The following RBM20 variants were observed in gnomAD, a reference collection of about 807,000 sequenced individuals.
The protein encoded by RBM20 is RNA-binding protein 20.
A neutral mutation model predicts 110.1 loss-of-function variants in RBM20; 51 were observed. The observed-to-expected ratio is 0.46, with a 90% CI of 0.37 to 0.59. RBM20 has a LOEUF of 0.59. Among genes scored for constraint, RBM20 ranks in the 20% least tolerant of loss-of-function variants. RBM20 has a pLI of 0.00. For synonymous variants in RBM20, 589 were observed against 618.2 expected (o/e 0.95, Z 0.70); for missense variants, 1,512 against 1,574.9 (o/e 0.96, Z 0.68).
chr10:110,681,822 A>T (rs1590613778), intron 1 of RBM20, among the ~76,000 whole-genome samples: 1 of 151,816 alleles, frequency 6.6e-6, no homozygotes, highest in South Asian at 2.1e-4. Context: ...CACTACAGAC[A>T]TTTTTCAGAT....
chr10:110,730,122 T>C (rs1843605614), intron 1 of RBM20, among the ~76,000 whole-genome samples: 1 of 152,182 alleles, frequency 6.6e-6, no homozygotes, highest in African/African-American at 2.4e-5. Context: ...TTGGCCCTTC[T>C]CTTTTTTAAG....
chr10:110,653,468 A>AT (rs1322336301), intron 1 of RBM20, among the ~76,000 whole-genome samples: 1 of 150,738 alleles, frequency 6.6e-6, no homozygotes, highest in Non-Finnish European at 1.5e-5. Flanking sequence ...GTCTTATTTA[A>AT]TTTTTTTCTA....
At chr10:110,650,995 C>T (rs1418090220) in intron 1 of RBM20, among the ~76,000 whole-genome samples, 1 of 152,270 alleles carries the variant, frequency 6.6e-6, no homozygotes, top group East Asian at 1.9e-4. Flanking sequence ...GGGCTTCTGT[C>T]GAGGAGTGCC....
chr10:110,794,425 C>T (rs899360864), intron 5 of RBM20, among the ~76,000 whole-genome samples: 1 of 152,194 alleles, frequency 6.6e-6, no homozygotes, highest in African/African-American at 2.4e-5. Context: ...CACACAAAAG[C>T]AAACTATTAA....
chr10:110,696,586 A>G (rs1365231779), intron 1 of RBM20, among the ~76,000 whole-genome samples: 1 of 152,158 alleles, frequency 6.6e-6, no homozygotes, highest in Non-Finnish European at 1.5e-5. Context: ...AGTGGCACTC[A>G]CTGGGCTGGA....
intron 1 of RBM20, among the ~76,000 whole-genome samples, chr10:110,731,084 G>A (rs1434036295): frequency 2.6e-5 from 4 of 152,144 alleles, no homozygotes; most frequent in East Asian, 1.9e-4. Flanking sequence ...TGAGTTTGAG[G>A]TATGAAACTG....
chr10:110,671,995 C>T (rs1862266395), intron 1 of RBM20, among the ~76,000 whole-genome samples: 2 of 152,144 alleles, frequency 1.3e-5, no homozygotes, highest in African/African-American at 4.8e-5. Context: ...CCACTTAGCT[C>T]TGAAGACTTC....
At chr10:110,784,725 T>G (rs554425957) in intron 4 of RBM20, 67 bp from the exon 5 acceptor site, 1 of 1,026,488 alleles carries the variant, frequency 9.7e-7, no homozygotes, top group Non-Finnish European at 1.5e-6. Flanking sequence ...TGCCTGCTTA[T>G]GTCCTAATAA....
In RBM20 at chr10:110,644,338, G is replaced by T. The variant is rs558015704; in HGVS notation, c.-117G>T. 1.3e-6 allele frequency: 1 copy of T among 747,962 alleles called. No homozygotes were observed. The highest frequency in any genetic ancestry group is 1.9e-5 in the African/African-American group (1 of 54,036). 46.3% of individuals were successfully genotyped at this position (747,962 alleles called of 1,614,324 possible). On this transcript the variant is annotated 5_prime_UTR_variant, in exon 1 of 14. Transcript: ENST00000369519. The surrounding 1 kb of genome is among the most constrained non-coding windows in gnomAD (Gnocchi z 4.3). ...CCCGCCCCTCGCGTCTCCTCCCCGC[G>T]CCACCGGGAAGGACAAGGGGACTGG...
At chr10:110,729,471 G>GCC (rs1260113580) in intron 1 of RBM20, among the ~76,000 whole-genome samples, 2 of 152,102 alleles carry the variant, frequency 1.3e-5, no homozygotes, top group Admixed American at 6.5e-5. Context: ...TTGATGCATT[G>GCC]ATCAACCCAC....
intron 7 of RBM20, among the ~76,000 whole-genome samples, chr10:110,802,001 T>C (rs957671424): frequency 5.3e-5 from 8 of 152,234 alleles, no homozygotes; most frequent in African/African-American, 1.9e-4. Context: ...GTCTTCTTAT[T>C]GGTTTGCAGG....
intron 1 of RBM20, among the ~76,000 whole-genome samples, chr10:110,703,535 A>T (rs556598935): frequency 1.3e-5 from 2 of 152,342 alleles, no homozygotes; most frequent in East Asian, 3.9e-4. Flanking sequence ...CACAGCCAGG[A>T]TATTAACATT....
intron 1 of RBM20, among the ~76,000 whole-genome samples, chr10:110,740,925 G>T (rs1843718608): frequency 6.6e-6 from 1 of 152,142 alleles, no homozygotes; most frequent in Non-Finnish European, 1.5e-5. Context: ...GGATGCTTCT[G>T]TCCAGGGTAA....
Position 110,674,644 on chromosome 10 carries a change from A to T in RBM20, c.191+29999A>T, listed in dbSNP as rs1276537233. 2.0e-5 allele frequency among the ~76,000 whole-genome samples: 3 copies of T among 152,242 alleles called. No individual in the cohort carries two copies. In the East Asian group the frequency reaches 5.8e-4, roughly 29 times the overall value. ...TTGAATTGCATCAGGAAACCTGCAT[A>T]TTAACAAGCTGGTAATAAGTGCAGG... On this transcript the variant is annotated intron_variant, in intron 1 of 13. Coordinates refer to ENST00000369519, the MANE Select transcript of RBM20 (RefSeq NM_001134363.3).
chr10:110,675,343 G>C (rs1862324626), intron 1 of RBM20, among the ~76,000 whole-genome samples: 1 of 152,152 alleles, frequency 6.6e-6, no homozygotes, highest in Non-Finnish European at 1.5e-5. Flanking sequence ...AAGAAGCGAG[G>C]CTTATCCTTG....
intron 1 of RBM20, among the ~76,000 whole-genome samples, chr10:110,646,460 A>G (rs1015462071): frequency 2.0e-5 from 3 of 152,228 alleles, no homozygotes; most frequent in African/African-American, 7.2e-5. Flanking sequence ...TTCTACTTGA[A>G]GGGCAGGATG....
At chr10:110,832,639 T>C (rs1337476888) in intron 13 of RBM20, among the ~76,000 whole-genome samples, 2 of 152,180 alleles carry the variant, frequency 1.3e-5, no homozygotes, top group African/African-American at 4.8e-5. Flanking sequence ...ACACAGATGG[T>C]GAGTTATTGG....
intron 1 of RBM20, among the ~76,000 whole-genome samples, chr10:110,752,290 T>C (rs1843863736): frequency 6.6e-6 from 1 of 152,228 alleles, no homozygotes; most frequent in Admixed American, 6.5e-5. Context: ...GTTAAAATCA[T>C]ACAGTATATG....
At chr10:110,724,056 CA>C (rs1009502212) in intron 1 of RBM20, among the ~76,000 whole-genome samples, 1 of 152,044 alleles carries the variant, frequency 6.6e-6, no homozygotes, top group African/African-American at 2.4e-5. Flanking sequence ...CATTACTAGC[CA>C]AAAGTTACCG....
Sources: allele counts gnomAD v4.1 joint callset (sites outside exome capture counted in the v4.1 genomes callset), GRCh38; gene constraint gnomAD v4.1.1; non-coding constraint Gnocchi (gnomAD v3.1); transcripts MANE v1.5; gene names NCBI Gene and HGNC (gene_info 2026-07-23, HGNC 2026-07-21).